FOXP2: variants seen among roughly 807,000 people sequenced by gnomAD.
FOXP2 encodes forkhead box protein P2.
Under a neutral mutation model 115.8 loss-of-function variants are expected in FOXP2, and 12 were observed. The ratio of observed to expected loss-of-function variants is 0.10; its 90% CI spans 0.07 to 0.17. The LOEUF is 0.17. Among genes scored for constraint, FOXP2 ranks in the 10% least tolerant of loss-of-function variants. The pLI is 1.00. For synonymous variants in FOXP2, 328 were observed against 297.7 expected, an observed-to-expected ratio of 1.10 and a Z score of -1.05; for missense variants, 629 against 843.5, an observed-to-expected ratio of 0.75 and a Z score of 3.15.
intron 3 of FOXP2, chr7:114,538,433 G>T (rs905521418): frequency 9.5e-7 from 1 of 1,048,300 alleles, no homozygotes; most frequent in Non-Finnish European, 1.3e-6. Context: ...TTTTAGCATT[G>T]TAATCACTTC....
In FOXP2 at chr7:114,373,231, A is replaced by C. The variant is rs144014928; in HGVS notation, c.-10-53271A>C. 3.3e-5 allele frequency among the ~76,000 whole-genome samples: 5 copies of C among 152,290 alleles called. No individual in the cohort carries two copies. In the East Asian group the frequency reaches 9.6e-4, roughly 29 times the overall value. ...GAGATGGGATTTCACCGTGTTAGCC[A>C]GGATGGTCTCGATCTCCTGACCTCG... On this transcript the variant is annotated intron_variant, in intron 2 of 17. Coordinates refer to the FOXP2 transcript ENST00000634411.
rs150606073 is a variant in FOXP2, at chr7:114,200,407, A to T, written c.-102+37319A>T. On this transcript the variant is annotated intron_variant, in intron 1 of 17. Transcript: ENST00000634411. ...CTGAACCCTGCATCATATTCACTTTACTGGATATAATTGGAAAGCACATTG... is the reference window on the plus strand; with the variant it reads ...CTGAACCCTGCATCATATTCACTTTTCTGGATATAATTGGAAAGCACATTG... Among the ~76,000 whole-genome samples the T allele has an allele frequency of 2.3e-3, 345 of 152,296 alleles. 6 individuals carry two copies. The East Asian group carries it at 0.028, about 12-fold the overall frequency.
At chr7:114,237,319 T>A (rs929426459) in intron 1 of FOXP2, among the ~76,000 whole-genome samples, 6 of 152,166 alleles carry the variant, frequency 3.9e-5, no homozygotes, top group African/African-American at 1.2e-4. Context: ...GAGGCTTGTT[T>A]AATATTACTC....
rs1217438789 is a variant in FOXP2 at position 114,308,126 on chromosome 7, C to CT, written c.-11+20023dup. Among the ~76,000 whole-genome samples the CT allele has an allele frequency of 7.2e-5, 11 of 152,192 alleles. No individual in the cohort carries two copies. In the East Asian group the frequency reaches 1.7e-3, roughly 24 times the overall value. ...CACATTCCAGTAGCTATAATTTCATCTTTTTTCCAGACATCCTCTAGTTTC... is the reference window on the plus strand; with the variant it reads ...CACATTCCAGTAGCTATAATTTCATCTTTTTTTCCAGACATCCTCTAGTTTC... On this transcript the variant is annotated intron_variant, in intron 2 of 17. Transcript: ENST00000634411.
chr7:114,411,011 C>T (rs1296928502), upstream of FOXP2, among the ~76,000 whole-genome samples: 1 of 152,042 alleles, frequency 6.6e-6, no homozygotes, highest in Non-Finnish European at 1.5e-5. Context: ...ACATTGCACT[C>T]TCAGCGAACT....
chr7:114,435,105 T>C (rs941405137), intron 2 of FOXP2, among the ~76,000 whole-genome samples: 3 of 152,186 alleles, frequency 2.0e-5, no homozygotes, highest in African/African-American at 7.2e-5. Flanking sequence ...CATATCTGCT[T>C]ATTCATTAGG....
intron 2 of FOXP2, among the ~76,000 whole-genome samples, chr7:114,333,900 A>C (rs567531373): frequency 2.0e-5 from 3 of 152,110 alleles, no homozygotes; most frequent in Admixed American, 6.6e-5. Flanking sequence ...TTAAAAAAAA[A>C]AAAAAGCTAC....
chr7:114,537,693 ACAT>A (rs1799464941), intron 3 of FOXP2, among the ~76,000 whole-genome samples: 1 of 151,676 alleles, frequency 6.6e-6, no homozygotes, highest in Non-Finnish European at 1.5e-5. Context: ...AAAGAAGAAA[ACAT>A]CACATCTGAC....
At chr7:114,221,507 C>T (rs1794620443) in intron 1 of FOXP2, among the ~76,000 whole-genome samples, 1 of 152,118 alleles carries the variant, frequency 6.6e-6, no homozygotes, top group Admixed American at 6.5e-5. Context: ...CTAGGCACAA[C>T]TGGTAAGTAG....
At position 114,491,458 on chromosome 7, in the gene FOXP2, C is replaced by T. The variant is rs1330967230; in HGVS notation, c.169-43159C>T. ...AAATTTTCTCCCATTCTGTAGGTTG[C>T]CTGTTCACTCTGATGGTAGTTTCTT... On this transcript the variant is annotated intron_variant, in intron 2 of 16. Transcript: ENST00000350908. 4.6e-5 allele frequency among the ~76,000 whole-genome samples: 7 copies of T among 151,882 alleles called. No homozygotes were observed. In the South Asian group the frequency reaches 8.3e-4, roughly 18 times the overall value.
chr7:114,566,466 T>G (rs536390823), intron 3 of FOXP2, among the ~76,000 whole-genome samples: 1 of 152,048 alleles, frequency 6.6e-6, no homozygotes, highest in African/African-American at 2.4e-5. Flanking sequence ...ACAGAGCTGG[T>G]TGTAAAAAAG....
chr7:114,638,008 C>T (rs1480263822), intron 6 of FOXP2, among the ~76,000 whole-genome samples: 1 of 151,998 alleles, frequency 6.6e-6, no homozygotes, highest in Non-Finnish European at 1.5e-5. Flanking sequence ...TTAAATAAAA[C>T]AGAGACAAAG....
At chr7:114,674,089 C>G (rs558466584) in intron 16 of FOXP2, among the ~76,000 whole-genome samples, 5 of 152,286 alleles carry the variant, frequency 3.3e-5, no homozygotes, top group African/African-American at 9.6e-5. Flanking sequence ...AAGCTGTCAT[C>G]ATTAAGAATG....
chr7:114,297,227 GT>G, intron 2 of FOXP2: 1 of 479,956 alleles, frequency 2.1e-6, no homozygotes, highest in Non-Finnish European at 4.1e-6. Flanking sequence ...TTGAGGGCCC[GT>G]TTGTCCTTGG....
intron 1 of FOXP2, among the ~76,000 whole-genome samples, chr7:114,279,910 A>AT (rs1161718418): frequency 6.6e-6 from 1 of 151,966 alleles, no homozygotes; most frequent in African/African-American, 2.4e-5. Flanking sequence ...AATATGATGC[A>AT]TTTTTTTAAG....
At chr7:114,198,565 G>A (rs560097100) in intron 1 of FOXP2, among the ~76,000 whole-genome samples, 8 of 152,268 alleles carry the variant, frequency 5.3e-5, no homozygotes, top group Admixed American at 2.0e-4. Context: ...TCGCACTTCC[G>A]TGGGAATCGA....
intron 1 of FOXP2, among the ~76,000 whole-genome samples, chr7:114,277,796 C>T (rs868244304): frequency 3.3e-5 from 5 of 151,904 alleles, no homozygotes; most frequent in Non-Finnish European, 5.9e-5. Context: ...GGATGGATCA[C>T]TTGAGGTCAG....
At chr7:114,588,077 A>G (rs560435579) in intron 3 of FOXP2, among the ~76,000 whole-genome samples, 8 of 151,874 alleles carry the variant, frequency 5.3e-5, no homozygotes, top group African/African-American at 1.9e-4. Flanking sequence ...TGGGAGGCCG[A>G]GGTGAGCGGA....
Position 114,402,679 on chromosome 7 carries a change from T to G in FOXP2, c.-10-23823T>G, listed in dbSNP as rs896672397. 5.3e-5 allele frequency among the ~76,000 whole-genome samples: 8 copies of G among 150,730 alleles called. No homozygotes were observed. In the East Asian group the frequency reaches 1.6e-3, roughly 29 times the overall value. On this transcript the variant is annotated intron_variant, in intron 2 of 17. Coordinates refer to the FOXP2 transcript ENST00000634411. ...CTGTCACCCAAGCTGGAGGCTGGAG[T>G]GCAGTGACACCATCATAGCTCACTG... is the stretch of plus-strand genomic sequence containing the variant.
Sources: gnomAD v4.1 joint callset for allele counts (sites outside exome capture counted in the v4.1 genomes callset) on GRCh38, gnomAD v4.1.1 for gene constraint, MANE v1.5 for transcripts, NCBI Gene and HGNC (gene_info 2026-07-23, HGNC 2026-07-21) for gene names.